Variants in MOK observed in about 807,000 individuals in gnomAD.
The protein encoded by MOK is MOK protein kinase.
A neutral mutation model predicts 54.2 loss-of-function variants in MOK; 59 were observed. That is an observed-to-expected ratio of 1.09 (90% confidence interval 0.88 to 1.35). The LOEUF is 1.35. MOK is among the 40% of genes most tolerant of loss of function. The pLI, the probability that MOK is intolerant of heterozygous loss-of-function variation, is 0.00. For synonymous variants in MOK, 210 were observed against 202.7 expected (o/e 1.04, Z -0.31); for missense variants, 517 against 526.2 (o/e 0.98, Z 0.17).
At chr14:102,268,977 G>C in intron 2 of MOK, among the ~76,000 whole-genome samples, 1 of 151,808 alleles carries the variant, frequency 6.6e-6, no homozygotes, top group East Asian at 1.9e-4. Context: ...TTTATTGGAT[G>C]AATTTTATGG....
chr14:102,304,937 T>G (rs749786157), intron 1 of MOK, 25 bp downstream of exon 1: 1 of 1,152,560 alleles, frequency 8.7e-7, no homozygotes, highest in Non-Finnish European at 1.2e-6. Context: ...CTCCAGTCCC[T>G]GCCCCTTTCC....
At chr14:102,265,954 G>A (rs377260817) in intron 2 of MOK, 42 bp from the exon 3 acceptor site, 11 of 1,396,948 alleles carry the variant, frequency 7.9e-6, no homozygotes, top group South Asian at 7.3e-5. Context: ...CACAGTTTAG[G>A]TCAACTTCAA....
chr14:102,248,777 C>CAAA (rs1228394075), intron 7 of MOK, among the ~76,000 whole-genome samples: 12 of 49,086 alleles, frequency 2.4e-4, no homozygotes, highest in South Asian at 6.5e-4. Flanking sequence ...GACTCCGTCT[C>CAAA]AAAAAAAAAA....
intron 7 of MOK, among the ~76,000 whole-genome samples, chr14:102,246,664 C>T (rs1370664681): frequency 6.6e-6 from 1 of 152,126 alleles, no homozygotes; most frequent in Non-Finnish European, 1.5e-5. Context: ...ACTCGACATA[C>T]AGGCATTAAC....
At chr14:102,262,948 T>A (rs74746751) in intron 4 of MOK, among the ~76,000 whole-genome samples, 2 of 152,188 alleles carry the variant, frequency 1.3e-5, no homozygotes, top group Non-Finnish European at 2.9e-5. Flanking sequence ...CCAGGAACAA[T>A]TGGCTCAGTG....
intron 1 of MOK, among the ~76,000 whole-genome samples, chr14:102,286,577 C>T (rs1286749673): frequency 2.6e-5 from 4 of 151,946 alleles, no homozygotes; most frequent in East Asian, 1.9e-4. Context: ...CACTACTATA[C>T]GCTAGCCTGG....
At chr14:102,304,432 C>G (rs1294746603) in intron 1 of MOK, among the ~76,000 whole-genome samples, 6 of 152,146 alleles carry the variant, frequency 3.9e-5, no homozygotes, top group African/African-American at 1.4e-4. Flanking sequence ...TGCTTCAAAA[C>G]TACTATTAAA....
intron 4 of MOK, among the ~76,000 whole-genome samples, chr14:102,259,609 G>C (rs1011534239): frequency 2.6e-5 from 4 of 152,180 alleles, no homozygotes; most frequent in Admixed American, 2.0e-4. Flanking sequence ...TCATGAGGCG[G>C]TATGGGTGGT....
Position 102,302,176 on chromosome 14 carries a change from G to A in MOK, c.7+2786C>T, listed in dbSNP as rs180997493. Among the ~76,000 whole-genome samples the A allele has an allele frequency of 5.6e-3, 835 of 149,338 alleles. 18 individuals are homozygous for A. Among genetic ancestry groups the A allele is most frequent in the East Asian group, 0.035 (177 of 4,986 alleles). On this transcript the variant is annotated intron_variant, in intron 1 of 11. Coordinates refer to ENST00000361847, the MANE Select transcript of MOK (RefSeq NM_014226.3). Reference sequence around the variant, plus strand: ...CAACGCCCCCCTCCCAGGTTCAAGCGATTCCCCTGCCTCAGCCTCCCAAGT... The same window carrying A: ...CAACGCCCCCCTCCCAGGTTCAAGCAATTCCCCTGCCTCAGCCTCCCAAGT...
intron 4 of MOK, among the ~76,000 whole-genome samples, chr14:102,255,202 C>T (rs2066844703): frequency 6.6e-6 from 1 of 152,134 alleles, no homozygotes; most frequent in African/African-American, 2.4e-5. Context: ...CCTTCAATCC[C>T]AGCTACTTGG....
At chr14:102,291,999 A>C (rs1341740016) in intron 1 of MOK, among the ~76,000 whole-genome samples, 1 of 151,802 alleles carries the variant, frequency 6.6e-6, no homozygotes, top group Non-Finnish European at 1.5e-5. Flanking sequence ...AAGACTTCTT[A>C]GCACCAGCTA....
chr14:102,251,100 A>G (rs943298566), intron 6 of MOK, 110 bp from the exon 7 acceptor site: 14 of 1,180,964 alleles, frequency 1.2e-5, no homozygotes, highest in Middle Eastern at 2.1e-4. Context: ...CATCTAAAGT[A>G]GTCTGTAAAA....
intron 10 of MOK, 119 bp from the exon 11 acceptor site, chr14:102,229,776 T>A (rs1490262347): frequency 2.1e-6 from 2 of 936,290 alleles, no homozygotes; most frequent in Non-Finnish European, 3.1e-6. Flanking sequence ...GACCATAAGA[T>A]GTGACTGGGA....
At chr14:102,214,845 T>C in the MOK span, 1 of 984,306 alleles carries the variant, frequency 1.0e-6, no homozygotes, top group Non-Finnish European at 1.2e-6. Context: ...TTTATAATTT[T>C]AAGGAAATCA....
intron 7 of MOK, among the ~76,000 whole-genome samples, chr14:102,244,359 A>C (rs956084165): frequency 6.6e-6 from 1 of 152,194 alleles, no homozygotes; most frequent in Non-Finnish European, 1.5e-5. Context: ...GGACTAAGGA[A>C]CATATCTCCT....
intron 4 of MOK, among the ~76,000 whole-genome samples, 195 bp downstream of exon 4, chr14:102,263,351 T>C (rs1201128338): frequency 1.3e-5 from 2 of 152,264 alleles, no homozygotes; most frequent in African/African-American, 4.8e-5. Context: ...TGGGGCTTCC[T>C]TTCTTGTTTG....
rs150385237 is a variant in MOK, at chr14:102,268,099, C to T, written c.123-2187G>A. 4.6e-3 allele frequency among the ~76,000 whole-genome samples: 703 copies of T among 152,124 alleles called. 6 individuals are homozygous for T. Among genetic ancestry groups the T allele is most frequent in the African/African-American group, 0.016 (651 of 41,504 alleles). On this transcript the variant is annotated intron_variant, in intron 2 of 11. Transcript: ENST00000361847. ...ATCTGAAAAACTTAGTTTTTAGAACCGGGCAGCCAAACAGCTATGCTATTT... is the reference window on the plus strand; with the variant it reads ...ATCTGAAAAACTTAGTTTTTAGAACTGGGCAGCCAAACAGCTATGCTATTT...
At chr14:102,229,389 A>C in intron 11 of MOK, 23 bp from the exon 12 acceptor site, 1 of 1,614,218 alleles carries the variant, frequency 6.2e-7, no homozygotes, top group Non-Finnish European at 8.5e-7. Flanking sequence ...AATTACAGAC[A>C]CAAAATTCAG....
intron 1 of MOK, among the ~76,000 whole-genome samples, chr14:102,285,618 T>C (rs1037191000): frequency 6.6e-6 from 1 of 152,200 alleles, no homozygotes; most frequent in Non-Finnish European, 1.5e-5. Flanking sequence ...AAAATATCCC[T>C]GGCCGGCTCA....
Sources: gnomAD v4.1 joint callset for allele counts (sites outside exome capture counted in the v4.1 genomes callset) on GRCh38, gnomAD v4.1.1 for gene constraint, MANE v1.5 for transcripts, NCBI Gene and HGNC (gene_info 2026-07-23, HGNC 2026-07-21) for gene names.